SPAG16: variants seen among roughly 807,000 people sequenced by gnomAD.
SPAG16 encodes sperm-associated antigen 16 protein.
In SPAG16, 86 loss-of-function variants were observed where a neutral mutation model predicts 80.4. That is an observed-to-expected ratio of 1.07 (90% CI 0.90 to 1.28). The LOEUF (loss-of-function observed/expected upper bound fraction) is 1.28, where lower values mean the gene tolerates loss of function less well. SPAG16 is among the 50% of genes most tolerant of loss of function. SPAG16 has a pLI of 0.00. For missense variants in SPAG16, 870 were observed against 765.3 expected, an observed-to-expected ratio of 1.14 and a Z score of -1.61; for synonymous variants, 294 against 265.9, an observed-to-expected ratio of 1.11 and a Z score of -1.03.
In SPAG16 at chr2:214,364,873, CA is replaced by C. The variant is rs1699383211; in HGVS notation, c.1721-45266del. On this transcript the variant is annotated intron_variant, in intron 15 of 15. Coordinates refer to ENST00000331683, the MANE Select transcript of SPAG16 (RefSeq NM_024532.5). The stretch of plus-strand genomic sequence containing the variant: ...AGGTGAACTATATATGGTTTGTGAG[CA>C]GAGAGGTGTACCTTTCTCAAATTTA... Among the ~76,000 whole-genome samples, 3 of 151,892 alleles carry C rather than the reference CA, an allele frequency of 2.0e-5. No homozygotes were observed. The South Asian group carries it at 6.2e-4, about 32-fold the overall frequency.
At chr2:213,759,691 T>C (rs946425432) in intron 10 of SPAG16, among the ~76,000 whole-genome samples, 1 of 151,586 alleles carries the variant, frequency 6.6e-6, no homozygotes, top group Non-Finnish European at 1.5e-5. Flanking sequence ...GACAACTAAA[T>C]ATAAAAGATA....
intron 13 of SPAG16, among the ~76,000 whole-genome samples, chr2:214,014,918 G>T (rs975836053): frequency 5.3e-5 from 8 of 152,166 alleles, no homozygotes; most frequent in Admixed American, 3.9e-4. Context: ...AAGCTGGAAA[G>T]CATAGCCTCC....
chr2:214,023,599 A>G (rs768417317), intron 13 of SPAG16, among the ~76,000 whole-genome samples: 4 of 151,826 alleles, frequency 2.6e-5, no homozygotes, highest in Non-Finnish European at 4.4e-5. Context: ...AATTGTTTGA[A>G]AATTAAAACT....
intron 6 of SPAG16, among the ~76,000 whole-genome samples, chr2:213,347,120 G>T (rs978741733): frequency 3.3e-5 from 5 of 152,108 alleles, no homozygotes; most frequent in African/African-American, 7.2e-5. Context: ...TTGGGAGGGT[G>T]TATATGTCGA....
chr2:213,896,590 A>ACG (rs1553657366), intron 11 of SPAG16, among the ~76,000 whole-genome samples: 10 of 90,448 alleles, frequency 1.1e-4, no homozygotes, highest in South Asian at 9.2e-4. Context: ...ACACACACAC[A>ACG]CGCACACACA....
intron 13 of SPAG16, among the ~76,000 whole-genome samples, chr2:214,035,574 G>A (rs773877340): frequency 6.6e-6 from 1 of 152,204 alleles, no homozygotes; most frequent in Non-Finnish European, 1.5e-5. Context: ...ACAGTGCCCA[G>A]GCTCAGCCCC....
chr2:213,336,001 A>G (rs918096830), intron 5 of SPAG16, among the ~76,000 whole-genome samples: 33 of 151,920 alleles, frequency 2.2e-4, no homozygotes, highest in African/African-American at 5.3e-4. Context: ...TGAGGTACCA[A>G]GCTTTTCTCA....
intron 13 of SPAG16, among the ~76,000 whole-genome samples, chr2:214,097,586 A>C (rs1192618954): frequency 6.6e-6 from 1 of 152,020 alleles, no homozygotes; most frequent in African/African-American, 2.4e-5. Flanking sequence ...CCTTTTGCTT[A>C]AATTACCTTG....
At chr2:213,772,949 T>G (rs940907282) in intron 10 of SPAG16, among the ~76,000 whole-genome samples, 1 of 152,144 alleles carries the variant, frequency 6.6e-6, no homozygotes. Context: ...AATAATTTTT[T>G]GAGATGCTTT....
At chr2:213,874,287 C>G (rs2076058513) in intron 11 of SPAG16, among the ~76,000 whole-genome samples, 1 of 152,022 alleles carries the variant, frequency 6.6e-6, no homozygotes, top group African/African-American at 2.4e-5. Flanking sequence ...GCTTACGTAA[C>G]CTTTTACTTT....
chr2:213,579,702 A>C (rs1478692030), intron 10 of SPAG16, among the ~76,000 whole-genome samples: 1 of 152,052 alleles, frequency 6.6e-6, no homozygotes, highest in East Asian at 1.9e-4. Flanking sequence ...CATTGATTTG[A>C]CTTAAAAGTC....
intron 7 of SPAG16, among the ~76,000 whole-genome samples, chr2:213,351,341 G>A (rs915115639): frequency 6.6e-6 from 1 of 152,114 alleles, no homozygotes; most frequent in Non-Finnish European, 1.5e-5. Context: ...AAATGTAGCT[G>A]CAAAGACCAA....
chr2:213,400,837 C>T (rs2068271774), intron 9 of SPAG16, among the ~76,000 whole-genome samples: 1 of 151,850 alleles, frequency 6.6e-6, no homozygotes, highest in African/African-American at 2.4e-5. Context: ...GACAGGGTGT[C>T]ACTCTGTCAC....
At chr2:213,657,650 T>C (rs1559350149) in intron 10 of SPAG16, among the ~76,000 whole-genome samples, 1 of 152,142 alleles carries the variant, frequency 6.6e-6, no homozygotes, top group Non-Finnish European at 1.5e-5. Context: ...AATTTCAGAG[T>C]TTTGAATCTC....
intron 15 of SPAG16, chr2:214,240,435 A>G (rs1386989319): frequency 6.6e-6 from 1 of 152,194 alleles, no homozygotes; most frequent in Non-Finnish European, 1.5e-5. Context: ...ATTGTCTAGC[A>G]TATGGTGGAT....
At chr2:214,036,587 C>A (rs1575916481) in intron 13 of SPAG16, among the ~76,000 whole-genome samples, 3 of 152,202 alleles carry the variant, frequency 2.0e-5, no homozygotes, top group Non-Finnish European at 2.9e-5. Context: ...TGCTTCCATT[C>A]CAACATAGCA....
intron 10 of SPAG16, among the ~76,000 whole-genome samples, chr2:213,532,360 T>C (rs2076096977): frequency 6.6e-6 from 1 of 152,132 alleles, no homozygotes; most frequent in Non-Finnish European, 1.5e-5. Flanking sequence ...TTAAAAATAA[T>C]TTGATTTGGG....
intron 10 of SPAG16, among the ~76,000 whole-genome samples, chr2:213,782,494 T>C (rs2070057894): frequency 6.6e-6 from 1 of 152,206 alleles, no homozygotes; most frequent in South Asian, 2.1e-4. Context: ...CAATGAAGTA[T>C]TTGTTTCAAA....
chr2:213,608,280 C>T (rs912020749), intron 10 of SPAG16, among the ~76,000 whole-genome samples: 1 of 152,108 alleles, frequency 6.6e-6, no homozygotes, highest in Admixed American at 6.5e-5. Flanking sequence ...CCCATTAACT[C>T]GTCATTTAGC....
Sources: allele counts gnomAD v4.1 joint callset (sites outside exome capture counted in the v4.1 genomes callset), GRCh38; gene constraint gnomAD v4.1.1; transcripts MANE v1.5; gene names NCBI Gene and HGNC (gene_info 2026-07-23, HGNC 2026-07-21).